MED15: variants seen among roughly 807,000 people sequenced by gnomAD.
The protein encoded by MED15 is mediator complex subunit 15.
In MED15, 41 loss-of-function variants were observed where a neutral mutation model predicts 118.7. That is an observed-to-expected ratio of 0.35 (90% CI 0.27 to 0.45). The LOEUF is 0.45. Ranked by LOEUF, MED15 falls within the 20% of genes least tolerant of loss-of-function variation. The pLI is 1.00. For synonymous variants in MED15, 436 were observed against 413.9 expected (o/e 1.05, Z -0.65); for missense variants, 740 against 1,025.5 (o/e 0.72, Z 3.80).
intron 1 of MED15, chr22:20,522,766 G>T (rs939817086): frequency 6.6e-6 from 1 of 152,508 alleles, no homozygotes; most frequent in Non-Finnish European, 1.5e-5. Flanking sequence ...GCAAGTGGGT[G>T]GGCCGTCCTG....
At chr22:20,519,012 C>G (rs2054350362) in intron 1 of MED15, 1 of 358,824 alleles carries the variant, frequency 2.8e-6, no homozygotes, top group Non-Finnish European at 5.5e-6. Flanking sequence ...GCCTCCATGC[C>G]CGGCTAATTT....
chr22:20,570,913 C>T (rs377419913), intron 8 of MED15, among the ~76,000 whole-genome samples: 4 of 151,824 alleles, frequency 2.6e-5, no homozygotes, highest in East Asian at 1.9e-4. Flanking sequence ...TACAGGCATG[C>T]GCCACTATAT....
chr22:20,513,136 G>C (rs1182377912), intron 1 of MED15, among the ~76,000 whole-genome samples: 1 of 152,014 alleles, frequency 6.6e-6, no homozygotes, highest in Non-Finnish European at 1.5e-5. Context: ...CAGTTGGTAT[G>C]ATCATAGCTC....
At chr22:20,549,786 G>C (rs5751024) in intron 2 of MED15, among the ~76,000 whole-genome samples, 13,761 of 152,152 alleles carry the variant, frequency 0.09, 940 homozygotes, top group East Asian at 0.37. Context: ...CAGTGGCTGC[G>C]CCTACTGTGG....
chr22:20,568,602 G>T lies in MED15; in HGVS notation c.1123G>T (p.Ala375Ser). Residue 375 changes from alanine to serine, a missense_variant, in exon 8 of 18, where the codon GCT (alanine) becomes TCT (serine). Transcript: ENST00000263205. Reference sequence around the variant, plus strand: ...GCAGACAGCAGTACAGACAGCTCAGGCTGCCCAGATGGTGGCTCCCGGAGT... The same window carrying T: ...GCAGACAGCAGTACAGACAGCTCAGTCTGCCCAGATGGTGGCTCCCGGAGT... ...QQQTAVQTAQ[A>S]AQMVAPGVQM... The T allele has an allele frequency of 6.2e-7, 1 of 1,613,708 alleles. No individual in the cohort carries two copies. Among genetic ancestry groups the T allele is most frequent in the South Asian group, 1.1e-5 (1 of 91,058 alleles).
chr22:20,508,279 G>C, intron 1 of MED15: 1 of 1,298,966 alleles, frequency 7.7e-7, no homozygotes, highest in Non-Finnish European at 1.0e-6. Flanking sequence ...AAGGATGGCA[G>C]GAAGCCGCTG....
intron 10 of MED15, 44 bp downstream of exon 10, chr22:20,582,791 C>G (rs756157067): frequency 6.3e-7 from 1 of 1,597,236 alleles, no homozygotes; most frequent in South Asian, 1.1e-5. Context: ...GCCCTCGAGG[C>G]TGGCCCTGCC....
At chr22:20,584,522 C>T (rs748109583) in intron 14 of MED15, 97 bp downstream of exon 14, 44 of 1,406,456 alleles carry the variant, frequency 3.1e-5, no homozygotes, top group South Asian at 2.0e-4. Flanking sequence ...GGCATCTGGG[C>T]GGGGGCCGGG....
chr22:20,541,609 G>A (rs1413065741), intron 2 of MED15, among the ~76,000 whole-genome samples: 2 of 147,430 alleles, frequency 1.4e-5, no homozygotes, highest in Non-Finnish European at 3.0e-5. Context: ...TCAGCCTCCT[G>A]GGTAGCTGGG....
intron 9 of MED15, among the ~76,000 whole-genome samples, chr22:20,577,005 C>T (rs1240709590): frequency 1.3e-5 from 2 of 152,206 alleles, no homozygotes; most frequent in Non-Finnish European, 2.9e-5. Context: ...CCAATGTTTT[C>T]AGTGTGCGAT....
At chr22:20,584,475 C>T (rs745768924) in intron 14 of MED15, 50 bp downstream of exon 14, 9 of 1,591,690 alleles carry the variant, frequency 5.7e-6, no homozygotes, top group Admixed American at 1.7e-5. Context: ...CTCCTAAGAG[C>T]TCCTGGGAGT....
intron 1 of MED15, among the ~76,000 whole-genome samples, chr22:20,509,598 G>A (rs73156970): frequency 0.043 from 6,470 of 151,988 alleles, 226 homozygotes; most frequent in Non-Finnish European, 0.06. Flanking sequence ...GGGGTGTGGG[G>A]TGAAGCATTG....
At chr22:20,517,697 C>G (rs2054302504) in intron 1 of MED15, among the ~76,000 whole-genome samples, 1 of 152,152 alleles carries the variant, frequency 6.6e-6, no homozygotes, top group Non-Finnish European at 1.5e-5. Context: ...CTAGATCTGT[C>G]CAGTGCCAGT....
At chr22:20,530,981 C>T (rs1464012630) in intron 1 of MED15, among the ~76,000 whole-genome samples, 2 of 152,226 alleles carry the variant, frequency 1.3e-5, no homozygotes, top group African/African-American at 4.8e-5. Flanking sequence ...ATACCTAGCA[C>T]TTCCTGTATG....
In MED15 at chr22:20,582,634, G is replaced by A; in HGVS notation, c.1296G>A (p.Met432Ile). The A allele has an allele frequency of 1.9e-6, 3 of 1,572,776 alleles. No homozygotes were observed. Among genetic ancestry groups the A allele is most frequent in the Non-Finnish European group, 2.6e-6 (3 of 1,165,782 alleles). The change falls in exon 10 of 18, where the codon ATG becomes ATA. Residue 432 changes from methionine to isoleucine, a missense_variant. Met to Ile is a conservative substitution (Grantham distance 10). Coordinates refer to ENST00000263205, the MANE Select transcript of MED15 (RefSeq NM_001003891.3). ...AGGTCAGCCAGAGCAGCCTCCCCAT[G>A]CTGTCCTCGCCGTCACCGGGCCAGC... ...MAQVSQSSLPMLSSPSPGQQV... is the reference protein window; with the variant it reads ...MAQVSQSSLPILSSPSPGQQV...
chr22:20,582,375 C>A, intron 9 of MED15: 1 of 618,426 alleles, frequency 1.6e-6, no homozygotes, highest in Non-Finnish European at 2.7e-6. Context: ...GGGTCCCTGG[C>A]CAAGGAGCAA....
chr22:20,587,524 G>C lies in MED15; in HGVS notation c.*820G>C. The C allele has an allele frequency of 3.5e-6, 1 of 285,422 alleles. No homozygotes were observed. Among genetic ancestry groups the C allele is most frequent in the East Asian group, 7.2e-5 (1 of 13,922 alleles). The allele number at this position is 285,422 out of a possible 1,614,324, so 17.7% of individuals were successfully genotyped here. A position where few individuals can be genotyped will look rare whatever the true frequency, so the allele number is the denominator to read the frequency against. On this transcript the variant is annotated 3_prime_UTR_variant, in exon 18 of 18. Transcript: ENST00000263205. ...CCTCCCTATGTTGCCTGCCACTCTGGGCACCGGCCAGCACCCTCTGGTGAG... is the reference window on the plus strand; with the variant it reads ...CCTCCCTATGTTGCCTGCCACTCTGCGCACCGGCCAGCACCCTCTGGTGAG...
chr22:20,580,647 G>A (rs149898587), intron 9 of MED15, among the ~76,000 whole-genome samples: 3 of 152,174 alleles, frequency 2.0e-5, no homozygotes, highest in Non-Finnish European at 2.9e-5. Context: ...CCTCGGTGCC[G>A]TCTGTGGTTC....
chr22:20,586,504 C>T lies in MED15; in HGVS notation c.2231-64C>T, dbSNP rs758713592. On this transcript the variant is annotated intron_variant, in intron 17 of 17. Transcript: ENST00000263205. ...GGGCTACCCCTTCCCAGAGCACTGC[C>T]GGGTGTGCCAGGAGCGAGCGCAGCG... 484 of 1,582,288 alleles carry T rather than the reference C, an allele frequency of 3.1e-4. 1 individual carries two copies. In the Middle Eastern group the frequency reaches 7.9e-3, roughly 26 times the overall value.
Sources: gnomAD v4.1 joint callset for allele counts (sites outside exome capture counted in the v4.1 genomes callset) on GRCh38, gnomAD v4.1.1 for gene constraint, MANE v1.5 for transcripts, NCBI Gene and HGNC (gene_info 2026-07-23, HGNC 2026-07-21) for gene names.